The following NRXN3 variants were observed in gnomAD, a reference collection of about 807,000 sequenced individuals.
NRXN3 encodes neurexin 3.
A neutral mutation model predicts 137.6 loss-of-function variants in NRXN3; 32 were observed. The ratio of observed to expected loss-of-function variants is 0.23; its 90% CI spans 0.18 to 0.31. NRXN3 has a LOEUF of 0.31. Ranked by LOEUF, NRXN3 falls within the 10% of genes least tolerant of loss-of-function variation. NRXN3 has a pLI of 1.00. For missense variants in NRXN3, 1,574 were observed against 2,062.5 expected, an observed-to-expected ratio of 0.76 and a Z score of 4.59; for synonymous variants, 798 against 784.5, an observed-to-expected ratio of 1.02 and a Z score of -0.29.
At chr14:79,465,452 C>G (rs1285247705) in intron 15 of NRXN3, among the ~76,000 whole-genome samples, 1 of 152,204 alleles carries the variant, frequency 6.6e-6, no homozygotes, top group African/African-American at 2.4e-5. Context: ...ACAAATTGAG[C>G]AAATTGGAGC....
intron 3 of NRXN3, among the ~76,000 whole-genome samples, chr14:78,280,763 C>T (rs536557322): frequency 6.6e-6 from 1 of 152,280 alleles, no homozygotes; most frequent in Non-Finnish European, 1.5e-5. Context: ...ATGCAGTGGA[C>T]CCATAGGCCT....
chr14:78,191,382 T>C (rs997814081), intron 1 of NRXN3, among the ~76,000 whole-genome samples: 4 of 152,128 alleles, frequency 2.6e-5, no homozygotes, highest in African/African-American at 9.7e-5. Context: ...GATTTGAACC[T>C]AGACTGACTC....
Position 79,857,512 on chromosome 14 carries a change from G to A in NRXN3, c.4094-3830G>A, listed in dbSNP as rs553070178. ...GCTGGGATTACAGGCGTGAGCCACC[G>A]TGCCTGGCCAAACTAAGTTATTTCT... On this transcript the variant is annotated intron_variant, in intron 20 of 20. Transcript: ENST00000335750. 1.2e-4 allele frequency among the ~76,000 whole-genome samples: 19 copies of A among 152,212 alleles called. 1 individual carries two copies. The South Asian group carries it at 1.7e-3, about 13-fold the overall frequency.
intron 15 of NRXN3, among the ~76,000 whole-genome samples, chr14:79,087,358 A>G (rs1411179210): frequency 6.6e-6 from 1 of 152,158 alleles, no homozygotes; most frequent in Non-Finnish European, 1.5e-5. Context: ...AGCCTCTTGA[A>G]CATGCTGCCA....
intron 16 of NRXN3, among the ~76,000 whole-genome samples, chr14:79,580,507 T>C (rs17109500): frequency 0.089 from 13,430 of 151,648 alleles, 1,219 homozygotes; most frequent in African/African-American, 0.23. Context: ...TTTTCTTGCC[T>C]AGGGTAGGAT....
At chr14:78,943,625 T>G (rs367778576) in intron 10 of NRXN3, among the ~76,000 whole-genome samples, 1 of 11,070 alleles carries the variant, frequency 9.0e-5, no homozygotes, top group Non-Finnish European at 1.8e-4. Context: ...AAAAAAAATA[T>G]ATATATATAT....
chr14:79,604,258 G>A (rs971524807), intron 16 of NRXN3, among the ~76,000 whole-genome samples: 4 of 151,440 alleles, frequency 2.6e-5, no homozygotes, highest in Non-Finnish European at 5.9e-5. Context: ...TGTTTGAGAT[G>A]GAGTTTCACT....
intron 15 of NRXN3, among the ~76,000 whole-genome samples, chr14:79,358,415 A>G (rs2093508522): frequency 6.6e-6 from 1 of 151,782 alleles, no homozygotes; most frequent in Non-Finnish European, 1.5e-5. Flanking sequence ...CTAAAAATAC[A>G]GAAACAAAAT....
intron 15 of NRXN3, among the ~76,000 whole-genome samples, chr14:79,244,454 G>A (rs756015986): frequency 1.3e-5 from 2 of 152,056 alleles, no homozygotes; most frequent in Admixed American, 6.6e-5. Flanking sequence ...GCCTCATAAC[G>A]CGTGAACGTT....
At chr14:78,948,239 A>T (rs1196666442) in intron 10 of NRXN3, among the ~76,000 whole-genome samples, 2 of 152,178 alleles carry the variant, frequency 1.3e-5, no homozygotes, top group Admixed American at 6.5e-5. Context: ...TAGGTGGGAG[A>T]GATGAAGGTG....
rs369127184 is a variant in NRXN3, at chr14:78,613,860, A to G, written c.758-31260A>G. Among the ~76,000 whole-genome samples, 71 of 152,290 alleles carry G rather than the reference A, an allele frequency of 4.7e-4. 1 individual carries two copies. The South Asian group carries it at 7.5e-3, about 16-fold the overall frequency. ...ACCTCAAGAGAACTTAAGAAAACCAAGTGCATTCTTAAACCAGAAAAGTAC... is the reference window on the plus strand; with the variant it reads ...ACCTCAAGAGAACTTAAGAAAACCAGGTGCATTCTTAAACCAGAAAAGTAC... On this transcript the variant is annotated intron_variant, in intron 4 of 20. Transcript: ENST00000335750.
intron 3 of NRXN3, among the ~76,000 whole-genome samples, chr14:78,281,310 T>C (rs914355750): frequency 1.3e-5 from 2 of 152,236 alleles, no homozygotes; most frequent in Non-Finnish European, 2.9e-5. Context: ...TGACTCTTTT[T>C]TCCTTCCCCT....
intron 17 of NRXN3, among the ~76,000 whole-genome samples, chr14:79,683,906 A>G (rs1003462255): frequency 3.3e-5 from 5 of 152,330 alleles, no homozygotes; most frequent in African/African-American, 1.2e-4. Context: ...AAGTCCACAC[A>G]CTGTTCCTTC....
intron 4 of NRXN3, among the ~76,000 whole-genome samples, chr14:78,546,223 A>C (rs1393759799): frequency 1.3e-5 from 2 of 152,212 alleles, no homozygotes; most frequent in African/African-American, 4.8e-5. Flanking sequence ...CCTGATAGTG[A>C]TACGAATTAT....
intron 8 of NRXN3, among the ~76,000 whole-genome samples, chr14:78,717,077 C>T (rs1327953402): frequency 3.3e-5 from 5 of 152,126 alleles, no homozygotes; most frequent in African/African-American, 1.2e-4. Context: ...CAAAGTGTTG[C>T]AGATCTTCTG....
intron 15 of NRXN3, among the ~76,000 whole-genome samples, chr14:79,328,823 T>C (rs1006144811): frequency 6.6e-6 from 1 of 152,200 alleles, no homozygotes; most frequent in Non-Finnish European, 1.5e-5. Context: ...CTGCACAGAT[T>C]AACTCACCTG....
At chr14:79,361,766 C>T (rs1215912351) in intron 15 of NRXN3, among the ~76,000 whole-genome samples, 1 of 151,868 alleles carries the variant, frequency 6.6e-6, no homozygotes, top group Non-Finnish European at 1.5e-5. Flanking sequence ...TGACTGATAT[C>T]GATTGATGAC....
chr14:79,031,249 A>C (rs35916059), intron 15 of NRXN3, among the ~76,000 whole-genome samples: 87,225 of 151,978 alleles, frequency 0.57, 26,249 homozygotes, highest in East Asian at 0.81. Flanking sequence ...TAAAACTTAG[A>C]ATATTAAATC....
At position 79,792,585 on chromosome 14, in the gene NRXN3, C is replaced by T. The variant is rs2099148684; in HGVS notation, c.4015-12527C>T. Among the ~76,000 whole-genome samples, 7 of 152,122 alleles carry T rather than the reference C, an allele frequency of 4.6e-5. No homozygotes were observed. The South Asian group carries it at 1.5e-3, about 32-fold the overall frequency. ...TGCTTAGATTTTTTTAAAAAAAGTC[C>T]CAGCAAATGACATATTGATTTCTTT... is the stretch of plus-strand genomic sequence containing the variant. On this transcript the variant is annotated intron_variant, in intron 19 of 20. Transcript: ENST00000335750.
Sources: allele counts gnomAD v4.1 joint callset (sites outside exome capture counted in the v4.1 genomes callset), GRCh38; gene constraint gnomAD v4.1.1; transcripts MANE v1.5; gene names NCBI Gene and HGNC (gene_info 2026-07-23, HGNC 2026-07-21).